CTSO: variants seen among roughly 807,000 people sequenced by gnomAD.
CTSO encodes cathepsin O.
CTSO carries 40 observed loss-of-function variants against 42.4 expected under a neutral mutation model. The observed-to-expected ratio is 0.94, with a 90% CI of 0.73 to 1.23. The LOEUF (loss-of-function observed/expected upper bound fraction) is 1.23, where lower values mean the gene tolerates loss of function less well. Ranked by LOEUF, CTSO falls within the 50% of genes most tolerant of loss-of-function variation. The pLI, the probability that CTSO is intolerant of heterozygous loss-of-function variation, is 0.00. For missense variants in CTSO, 441 were observed against 396.0 expected (o/e 1.11, Z -0.96); for synonymous variants, 156 against 146.2 (o/e 1.07, Z -0.48).
chr4:155,926,961 C>T (rs1414388534), intron 7 of CTSO, among the ~76,000 whole-genome samples: 1 of 152,170 alleles, frequency 6.6e-6, no homozygotes, highest in East Asian at 1.9e-4. Flanking sequence ...AATATATGTT[C>T]AGCAGCAAGG....
chr4:155,937,762 G>T (rs1006927787), intron 4 of CTSO, among the ~76,000 whole-genome samples: 1 of 151,940 alleles, frequency 6.6e-6, no homozygotes, highest in African/African-American at 2.4e-5. Flanking sequence ...CTACAGGTAT[G>T]AGCCACCACG....
At chr4:155,933,186 A>C (rs2110911226) in intron 5 of CTSO, among the ~76,000 whole-genome samples, 1 of 152,224 alleles carries the variant, frequency 6.6e-6, no homozygotes, top group Admixed American at 6.5e-5. Context: ...GAGGTAATTG[A>C]ATCATGGGGG....
chr4:155,941,193 G>A (rs1660728155), intron 3 of CTSO, among the ~76,000 whole-genome samples: 1 of 152,218 alleles, frequency 6.6e-6, no homozygotes. Flanking sequence ...AAAAGGGAAG[G>A]CTGAATGATC....
intron 1 of CTSO, among the ~76,000 whole-genome samples, chr4:155,945,664 A>G (rs1743532269): frequency 6.6e-6 from 1 of 152,234 alleles, no homozygotes; most frequent in Admixed American, 6.5e-5. Flanking sequence ...GACCAGTGTT[A>G]CCCTGATTCT....
rs569317203 is a variant in CTSO, at chr4:155,942,218, T to C, written c.384+99A>G. The C allele has an allele frequency of 1.4e-5, 14 of 999,318 alleles. No homozygotes were observed. In the East Asian group the frequency reaches 3.6e-4, roughly 26 times the overall value. 61.9% of individuals were successfully genotyped at this position (999,318 alleles called of 1,614,324 possible). ...TTGGATGACTGAGATGTGATTTTCC[T>C]AGAGAAATGATGTTTCCATTACAAC... On this transcript the variant is annotated intron_variant, in intron 3 of 7. Transcript: ENST00000433477.
Position 155,939,464 on chromosome 4 carries a change from T to G in CTSO, c.459A>C (p.Glu153Asp). 6.2e-7 allele frequency: 1 copy of G among 1,614,122 alleles called. No individual in the cohort carries two copies. Among genetic ancestry groups the G allele is most frequent in the South Asian group, 1.1e-5 (1 of 91,082 alleles). Residue 153 changes from glutamate to aspartate, a missense_variant, in exon 4 of 8, where the codon GAA becomes GAC. Transcript: ENST00000433477. ...CAATGACCTGCTGGACACTTAGGTC[T>G]TCCAGGGGCTTCCCCTTTATTGCAT... Reference protein sequence around the residue: ...SAYAIKGKPLEDLSVQQVIDC... With the variant: ...SAYAIKGKPLDDLSVQQVIDC...
chr4:155,927,082 T>A (rs1426727057), intron 7 of CTSO, among the ~76,000 whole-genome samples: 1 of 152,138 alleles, frequency 6.6e-6, no homozygotes, highest in Non-Finnish European at 1.5e-5. Context: ...GCCAATATAT[T>A]TCTGTGATGT....
intron 1 of CTSO, among the ~76,000 whole-genome samples, chr4:155,948,074 G>A (rs938579456): frequency 8.6e-6 from 1 of 115,910 alleles, no homozygotes; most frequent in Non-Finnish European, 1.9e-5. Flanking sequence ...CCTTTTTTTT[G>A]TTGTTGTTGT....
intron 7 of CTSO, among the ~76,000 whole-genome samples, chr4:155,927,619 C>A (rs1031444485): frequency 6.6e-6 from 1 of 151,790 alleles, no homozygotes; most frequent in Non-Finnish European, 1.5e-5. Context: ...AATACAAAAA[C>A]AAAAAATCAG....
rs1005139884 is a variant in CTSO at position 155,925,824 on chromosome 4, G to T, written c.*212C>A. On this transcript the variant is annotated 3_prime_UTR_variant, in exon 8 of 8. Coordinates refer to ENST00000433477, the MANE Select transcript of CTSO (RefSeq NM_001334.3). ...AACTATTCCATAGGCTTCCTCGCAG[G>T]CTTCTGTGCTGGAGTTTGTCCCACT... The T allele has an allele frequency of 1.2e-5, 6 of 513,296 alleles. No individual in the cohort carries two copies. The highest frequency in any genetic ancestry group is 2.0e-5 in the Non-Finnish European group (6 of 295,888). The allele number at this position is 513,296 out of a possible 1,614,324, so 31.8% of individuals were successfully genotyped here.
At chr4:155,931,777 A>G (rs1743237789) in intron 5 of CTSO, among the ~76,000 whole-genome samples, 1 of 151,304 alleles carries the variant, frequency 6.6e-6, no homozygotes, top group African/African-American at 2.4e-5. Flanking sequence ...TGGAAATAAT[A>G]ATTCGTTATT....
chr4:155,942,419 T>A lies in CTSO; in HGVS notation c.282A>T (p.Arg94Ser), dbSNP rs139102003. 1.1e-3 allele frequency: 1,796 copies of A among 1,565,936 alleles called. 21 individuals carry two copies. The African/African-American group carries it at 0.023, about 20-fold the overall frequency. ...TGGACATATGTACTTCTGCTGAGTA[T>A]CTGGGAAACTTGGAAGGTTTGCTTC... ...YLRSKPSKFP[R>S]YSAEVHMSIP... The change falls in exon 3 of 8, where the codon AGA (arginine) becomes AGT (serine). Residue 94 changes from arginine (R) to serine (S), a missense_variant. Coordinates refer to ENST00000433477, the MANE Select transcript of CTSO (RefSeq NM_001334.3).
At position 155,926,003 on chromosome 4, in the gene CTSO, T is replaced by C; in HGVS notation, c.*33A>G. ...TTACATTGCATTATGAAAACCTTCA[T>C]TTTTGTAGCTGTCTCTTGATCTGCC... On this transcript the variant is annotated 3_prime_UTR_variant, in exon 8 of 8. Transcript: ENST00000433477. 1.9e-6 allele frequency: 3 copies of C among 1,592,612 alleles called. No individual in the cohort carries two copies. The highest frequency in any genetic ancestry group is 1.1e-5 in the South Asian group (1 of 88,414).
intron 5 of CTSO, among the ~76,000 whole-genome samples, chr4:155,932,334 G>A (rs1409638087): frequency 6.6e-6 from 1 of 152,114 alleles, no homozygotes; most frequent in Non-Finnish European, 1.5e-5. Flanking sequence ...GAACAGATAT[G>A]AGTTCTAATC....
At chr4:155,944,780 T>C (rs1395635545) in intron 1 of CTSO, among the ~76,000 whole-genome samples, 1 of 152,118 alleles carries the variant, frequency 6.6e-6, no homozygotes, top group Non-Finnish European at 1.5e-5. Flanking sequence ...TTTTGATTAA[T>C]GACTCCCTGA....
chr4:155,947,937 G>C (rs76337666), intron 1 of CTSO, among the ~76,000 whole-genome samples: 10,464 of 152,166 alleles, frequency 0.069, 496 homozygotes, highest in South Asian at 0.17. Context: ...TGAATACATA[G>C]GAAACTTCTC....
intron 2 of CTSO, among the ~76,000 whole-genome samples, chr4:155,942,868 T>C (rs768385047): frequency 2.0e-5 from 3 of 152,132 alleles, no homozygotes; most frequent in Admixed American, 6.5e-5. Flanking sequence ...ATGTGTGTCC[T>C]GAAGAGAAAA....
chr4:155,929,557 CA>C lies in CTSO; in HGVS notation c.822del (p.Phe276LeufsTer22), dbSNP rs751704284. ...CAGCACTTACCTGTTTTATCAAACC[CA>C]GTTATGAGAACTGCATGATTTGCTT... ...SGEANHAVLI[T>X]GFDKTGSTPY... is the part of the protein sequence containing the mutation. On this transcript the variant is annotated frameshift_variant, in exon 6 of 8. Coordinates refer to ENST00000433477, the MANE Select transcript of CTSO (RefSeq NM_001334.3). LOFTEE classifies it high-confidence loss of function. 1 of 1,612,456 alleles carries C rather than the reference CA, an allele frequency of 6.2e-7. No individual in the cohort carries two copies. Among genetic ancestry groups the C allele is most frequent in the South Asian group, 1.1e-5 (1 of 90,610 alleles).
chr4:155,949,753 A>G (rs1162909062), intron 1 of CTSO, among the ~76,000 whole-genome samples: 1 of 152,212 alleles, frequency 6.6e-6, no homozygotes, highest in African/African-American at 2.4e-5. Flanking sequence ...ATCACTGAGA[A>G]TTTCTTGGAA....
Sources: allele counts gnomAD v4.1 joint callset (sites outside exome capture counted in the v4.1 genomes callset), GRCh38; gene constraint gnomAD v4.1.1; transcripts MANE v1.5; gene names NCBI Gene and HGNC (gene_info 2026-07-23, HGNC 2026-07-21).